The following TMEM44 variants were observed in gnomAD, a reference collection of about 807,000 sequenced individuals.
The protein encoded by TMEM44 is transmembrane protein 44.
TMEM44 carries 43 observed loss-of-function variants against 47.8 expected under a neutral mutation model. The ratio of observed to expected loss-of-function variants is 0.90; its 90% CI spans 0.70 to 1.16. TMEM44 has a LOEUF of 1.16. TMEM44 is among the 50% of genes most tolerant of loss of function. The probability of loss-of-function intolerance (pLI) is 0.00; values close to 1 mark genes in which losing one functional copy is unlikely to be tolerated. For missense variants in TMEM44, 568 were observed against 555.2 expected, an observed-to-expected ratio of 1.02 and a Z score of -0.23; for synonymous variants, 277 against 238.8, an observed-to-expected ratio of 1.16 and a Z score of -1.48.
At chr3:194,618,071 G>T (rs1243454230) in intron 5 of TMEM44, among the ~76,000 whole-genome samples, 1 of 152,180 alleles carries the variant, frequency 6.6e-6, no homozygotes, top group Non-Finnish European at 1.5e-5. Context: ...TTCCTTATGA[G>T]TGACCCGGCC....
intron 3 of TMEM44, 119 bp downstream of exon 3, chr3:194,625,778 C>A: frequency 1.1e-6 from 1 of 903,160 alleles, no homozygotes. Context: ...CCGCGCCCAG[C>A]CTTTCTCCTT....
intron 9 of TMEM44, chr3:194,589,936 T>C (rs538102243): frequency 1.0e-3 from 159 of 152,114 alleles, no homozygotes; most frequent in African/African-American, 3.6e-3. Context: ...ATGATGATTC[T>C]GAGGCACAAG....
chr3:194,614,300 G>A (rs577440537), intron 7 of TMEM44, among the ~76,000 whole-genome samples: 5 of 152,304 alleles, frequency 3.3e-5, no homozygotes, highest in South Asian at 2.1e-4. Context: ...TGGGCATGAC[G>A]ACAGGCTCTG....
chr3:194,629,106 G>A (rs1223468346), intron 1 of TMEM44, among the ~76,000 whole-genome samples: 3 of 151,978 alleles, frequency 2.0e-5, no homozygotes, highest in Admixed American at 6.5e-5. Context: ...AGAGGTTGCA[G>A]TGAGCCAAGA....
chr3:194,611,045 G>A lies in TMEM44; in HGVS notation c.913-25C>T. The A allele has an allele frequency of 6.3e-7, 1 of 1,594,186 alleles. No homozygotes were observed. The highest frequency in any genetic ancestry group is 8.6e-7 in the Non-Finnish European group (1 of 1,162,760). On this transcript the variant is annotated intron_variant, in intron 7 of 9. Transcript: ENST00000347147. This position sits in a 1 kb window ranked among gnomAD's most constrained non-coding sequence, Gnocchi z 4.2. ...TCTTGCAAGTAGAGGCAGGGAGACA[G>A]AAAGGGGAATTCTCAAAGTCAGGAG...
At chr3:194,612,743 C>A (rs186168153) in intron 7 of TMEM44, among the ~76,000 whole-genome samples, 18 of 152,266 alleles carry the variant, frequency 1.2e-4, no homozygotes, top group African/African-American at 4.1e-4. Context: ...CGACTCACTG[C>A]AAGCTCCGCC....
At position 194,595,290 on chromosome 3, in the gene TMEM44, T is replaced by C. The variant is rs564444115; in HGVS notation, c.1177-6651A>G. On this transcript the variant is annotated intron_variant, in intron 9 of 9. Transcript: ENST00000347147. ...AAACCACTGCATACGGCATTTTAAT[T>C]TGCCTCATGTCTAAAAGCACATTTT... is the stretch of plus-strand genomic sequence containing the variant. 1.4e-4 allele frequency among the ~76,000 whole-genome samples: 22 copies of C among 152,318 alleles called. No individual in the cohort carries two copies. The South Asian group carries it at 2.1e-3, about 14-fold the overall frequency.
At chr3:194,591,374 A>G (rs1423391393) in intron 9 of TMEM44, among the ~76,000 whole-genome samples, 1 of 151,972 alleles carries the variant, frequency 6.6e-6, no homozygotes, top group Admixed American at 6.6e-5. Context: ...GGCGCCTATA[A>G]TCCCAGCCAC....
intron 3 of TMEM44, 34 bp from the exon 4 acceptor site, chr3:194,623,729 G>A: frequency 6.2e-7 from 1 of 1,612,896 alleles, no homozygotes; most frequent in Non-Finnish European, 8.5e-7. Context: ...CATGGCTCCT[G>A]GAAGCCAGAC....
chr3:194,627,195 C>T (rs1366737509), intron 2 of TMEM44, among the ~76,000 whole-genome samples: 4 of 152,240 alleles, frequency 2.6e-5, no homozygotes, highest in Non-Finnish European at 5.9e-5. Context: ...CTGTGCCCAG[C>T]TGGCCCTATT....
intron 9 of TMEM44, among the ~76,000 whole-genome samples, chr3:194,596,310 T>C (rs1406425751): frequency 6.6e-6 from 1 of 152,114 alleles, no homozygotes; most frequent in Non-Finnish European, 1.5e-5. Flanking sequence ...CAGGAGGAAG[T>C]AACGAGGCTC....
chr3:194,616,675 G>T (rs1281882439), intron 6 of TMEM44: 5 of 433,436 alleles, frequency 1.2e-5, no homozygotes, highest in South Asian at 8.1e-5. Flanking sequence ...CCACCAACAC[G>T]CCACAGCCAT....
chr3:194,622,631 C>T (rs1716680903), intron 5 of TMEM44: 1 of 151,538 alleles, frequency 6.6e-6, no homozygotes, highest in South Asian at 2.1e-4. Context: ...CTCACTGCAA[C>T]CTCTGCCTCC....
intron 8 of TMEM44, 146 bp from the exon 9 acceptor site, chr3:194,604,591 T>C (rs561834592): frequency 2.0e-5 from 20 of 1,003,428 alleles, no homozygotes; most frequent in Admixed American, 3.2e-5. Context: ...GCCCTGGCCA[T>C]CCAGCTCTCC....
In TMEM44 at chr3:194,604,227, C is replaced by A. The variant is rs1714496292; in HGVS notation, c.1176+60G>T. The A allele has an allele frequency of 1.5e-5, 23 of 1,546,980 alleles. No homozygotes were observed. The South Asian group carries it at 2.7e-4, about 18-fold the overall frequency. ...AGCTGCACAAGCCCCAAGGAGCACC[C>A]AGCAAGTGTCGGCGAACGATGGCAC... On this transcript the variant is annotated intron_variant, in intron 9 of 9. Coordinates refer to ENST00000347147, the MANE Select transcript of TMEM44 (RefSeq NM_001011655.3).
intron 1 of TMEM44, among the ~76,000 whole-genome samples, chr3:194,629,280 A>G (rs1717514626): frequency 1.3e-5 from 2 of 152,210 alleles, no homozygotes; most frequent in Non-Finnish European, 2.9e-5. Flanking sequence ...CTTCTAAACC[A>G]TCTGTGAAGT....
chr3:194,617,095 A>G lies in TMEM44; in HGVS notation c.783+4T>C, dbSNP rs1323737035. ...AGGGAGCTCCCCAGGCCTGGGGTGG[A>G]TACAGCGAGGTCCAGTGCCGCACGG... On this transcript the variant is annotated splice_donor_region_variant and intron_variant, in intron 6 of 9. Coordinates refer to ENST00000347147, the MANE Select transcript of TMEM44 (RefSeq NM_001011655.3). The G allele has an allele frequency of 1.3e-6, 2 of 1,514,718 alleles. No homozygotes were observed. The highest frequency in any genetic ancestry group is 2.5e-5 in the East Asian group (1 of 40,494). 93.8% of individuals were successfully genotyped at this position (1,514,718 alleles called of 1,614,324 possible).
At chr3:194,589,600 C>G (rs1337339594) in intron 9 of TMEM44, 1 of 152,100 alleles carries the variant, frequency 6.6e-6, no homozygotes, top group Non-Finnish European at 1.5e-5. Context: ...GGGGGCACTG[C>G]CAGTGAATAG....
In TMEM44 at chr3:194,588,519, C is replaced by T. The variant is rs1712142884; in HGVS notation, c.*10G>A. ...TGGGCTCTGAGCTGATGAGCTGGCT[C>T]CAGAAGGTGTTAATCATCATCACTC... On this transcript the variant is annotated 3_prime_UTR_variant, in exon 10 of 10. Transcript: ENST00000347147. 1.9e-6 allele frequency: 3 copies of T among 1,613,214 alleles called. No homozygotes were observed. Among genetic ancestry groups the T allele is most frequent in the Non-Finnish European group, 2.5e-6 (3 of 1,179,350 alleles).
Sources: gnomAD v4.1 joint callset for allele counts (sites outside exome capture counted in the v4.1 genomes callset) on GRCh38, gnomAD v4.1.1 for gene constraint, Gnocchi (gnomAD v3.1) non-coding constraint, MANE v1.5 for transcripts, NCBI Gene and HGNC (gene_info 2026-07-23, HGNC 2026-07-21) for gene names.